CAB39L: variants seen among roughly 807,000 people sequenced by gnomAD.
CAB39L encodes calcium binding protein 39 like, also known as calcium-binding protein 39-like.
In CAB39L, 23 loss-of-function variants were observed where a neutral mutation model predicts 39.1. The ratio of observed to expected loss-of-function variants is 0.59; its 90% confidence interval spans 0.42 to 0.83. CAB39L has a LOEUF of 0.83. CAB39L is among the 40% of genes least tolerant of loss of function. CAB39L has a pLI of 0.00. For synonymous variants in CAB39L, 126 were observed against 137.2 expected (o/e 0.92, Z 0.57); for missense variants, 366 against 391.9 (o/e 0.93, Z 0.56).
chr13:49,371,986 A>G (rs1456270750), intron 5 of CAB39L, among the ~76,000 whole-genome samples: 1 of 152,188 alleles, frequency 6.6e-6, no homozygotes, highest in Non-Finnish European at 1.5e-5. Context: ...CTGCTTATTC[A>G]GCCTGAACAG....
chr13:49,413,373 A>T (rs1409078370), intron 3 of CAB39L, among the ~76,000 whole-genome samples: 1 of 152,146 alleles, frequency 6.6e-6, no homozygotes, highest in Non-Finnish European at 1.5e-5. Context: ...TTTCCTGAGG[A>T]TTTGTTAGCA....
chr13:49,330,836 G>T (rs114527715), intron 10 of CAB39L, among the ~76,000 whole-genome samples: 5,061 of 151,810 alleles, frequency 0.033, 272 homozygotes, highest in African/African-American at 0.11. Context: ...AATGCACATT[G>T]TAGCATTACT....
intron 10 of CAB39L, among the ~76,000 whole-genome samples, chr13:49,329,914 C>A (rs961603066): frequency 3.3e-5 from 5 of 152,118 alleles, no homozygotes; most frequent in African/African-American, 1.2e-4. Flanking sequence ...TTCTCACTGT[C>A]TATACTCCCT....
At chr13:49,374,778 C>G (rs1956012492) in intron 5 of CAB39L, among the ~76,000 whole-genome samples, 1 of 152,232 alleles carries the variant, frequency 6.6e-6, no homozygotes, top group Non-Finnish European at 1.5e-5. Flanking sequence ...CTGACGACAT[C>G]TCATCCCTGA....
chr13:49,378,202 A>G (rs1410033631), intron 4 of CAB39L, among the ~76,000 whole-genome samples: 3 of 81,104 alleles, frequency 3.7e-5, no homozygotes, highest in African/African-American at 2.3e-4. Flanking sequence ...CCCGGCAGCC[A>G]CCCCATCTGG....
At chr13:49,393,866 T>C (rs1212040787) in intron 3 of CAB39L, among the ~76,000 whole-genome samples, 2 of 151,422 alleles carry the variant, frequency 1.3e-5, no homozygotes, top group African/African-American at 4.8e-5. Context: ...AAAAGGAAAA[T>C]TAGGAGGAAA....
intron 5 of CAB39L, among the ~76,000 whole-genome samples, chr13:49,366,193 A>G (rs914583308): frequency 6.6e-6 from 1 of 152,048 alleles, no homozygotes; most frequent in East Asian, 1.9e-4. Flanking sequence ...TGAGATGGGG[A>G]TGGTTAATGG....
At position 49,310,792 on chromosome 13, in the gene CAB39L, G is replaced by A; in HGVS notation, c.*22C>T. ...AACTGGACAAATGAGACGACTGACTGTGACAGGGGCCGGGGAGCTCTTCAA... is the reference window on the plus strand; with the variant it reads ...AACTGGACAAATGAGACGACTGACTATGACAGGGGCCGGGGAGCTCTTCAA... On this transcript the variant is annotated 3_prime_UTR_variant, in exon 11 of 11. Transcript: ENST00000409308. The A allele has an allele frequency of 6.2e-7, 1 of 1,609,926 alleles. No homozygotes were observed. Among genetic ancestry groups the A allele is most frequent in the Non-Finnish European group, 8.5e-7 (1 of 1,177,498 alleles).
At chr13:49,429,331 G>A (rs1160317066) in intron 3 of CAB39L, among the ~76,000 whole-genome samples, 2 of 152,074 alleles carry the variant, frequency 1.3e-5, no homozygotes, top group South Asian at 2.1e-4. Flanking sequence ...GACCTCAAGC[G>A]GTCCTCCTGC....
intron 3 of CAB39L, among the ~76,000 whole-genome samples, chr13:49,389,378 G>A (rs1430710689): frequency 6.6e-6 from 1 of 152,128 alleles, no homozygotes; most frequent in African/African-American, 2.4e-5. Context: ...CGGTGGCTCA[G>A]TCCTGTAATC....
At chr13:49,400,343 A>T (rs1956735620) in intron 3 of CAB39L, among the ~76,000 whole-genome samples, 1 of 151,564 alleles carries the variant, frequency 6.6e-6, no homozygotes, top group South Asian at 2.1e-4. Flanking sequence ...ATTGGCATAC[A>T]CTCTCCTATT....
Position 49,382,924 on chromosome 13 carries a change from T to TTC in CAB39L, c.-16_-15dup, listed in dbSNP as rs777340580. The stretch of plus-strand genomic sequence containing the variant: ...CATTTTTTTCATGTGTAGAAATCTC[T>TTC]TCTTCCAATATGGAATGCTAAAAAC... On this transcript the variant is annotated 5_prime_UTR_variant, in exon 4 of 11. Coordinates refer to ENST00000409308, the MANE Select transcript of CAB39L (RefSeq NM_001079670.3). 1 of 1,460,512 alleles carries TTC rather than the reference T, an allele frequency of 6.8e-7. No homozygotes were observed. Among genetic ancestry groups the TTC allele is most frequent in the South Asian group, 1.2e-5 (1 of 85,220 alleles). 90.5% of individuals were successfully genotyped at this position (1,460,512 alleles called of 1,614,324 possible). A position where few individuals can be genotyped will look rare whatever the true frequency, so the allele number is the denominator to read the frequency against.
intron 8 of CAB39L, among the ~76,000 whole-genome samples, chr13:49,342,404 T>C (rs1566076472): frequency 1.3e-5 from 2 of 152,302 alleles, no homozygotes; most frequent in African/African-American, 4.8e-5. Flanking sequence ...AAATATCATA[T>C]ACACATGAAA....
chr13:49,403,190 C>T (rs1452620839), intron 3 of CAB39L, among the ~76,000 whole-genome samples: 1 of 151,986 alleles, frequency 6.6e-6, no homozygotes, highest in African/African-American at 2.4e-5. Flanking sequence ...TTTCCAACAG[C>T]AAGAGTGCAG....
At chr13:49,421,058 G>A (rs1449685082) in intron 3 of CAB39L, among the ~76,000 whole-genome samples, 1 of 152,126 alleles carries the variant, frequency 6.6e-6, no homozygotes, top group African/African-American at 2.4e-5. Flanking sequence ...ACGACAAACT[G>A]GCTAGGGACC....
chr13:49,402,883 G>C (rs1245299631), intron 3 of CAB39L, among the ~76,000 whole-genome samples: 4 of 151,984 alleles, frequency 2.6e-5, no homozygotes, highest in African/African-American at 9.7e-5. Flanking sequence ...ATAATTTTTA[G>C]AGTTTTATTT....
chr13:49,340,491 G>C (rs1954977691), intron 8 of CAB39L, among the ~76,000 whole-genome samples: 1 of 152,214 alleles, frequency 6.6e-6, no homozygotes, highest in African/African-American at 2.4e-5. Flanking sequence ...GAGAGTGTGT[G>C]CCGCTGTGTA....
At chr13:49,313,627 G>A (rs1483957588) in intron 10 of CAB39L, among the ~76,000 whole-genome samples, 1 of 152,176 alleles carries the variant, frequency 6.6e-6, no homozygotes, top group Non-Finnish European at 1.5e-5. Flanking sequence ...ACCACGATCT[G>A]ATACTGACTG....
chr13:49,341,504 T>C (rs563319605), intron 8 of CAB39L, among the ~76,000 whole-genome samples: 1 of 152,256 alleles, frequency 6.6e-6, no homozygotes, highest in Non-Finnish European at 1.5e-5. Flanking sequence ...ACCCGCCTCT[T>C]TCAGTCTATA....
Sources: gnomAD v4.1 joint callset for allele counts (sites outside exome capture counted in the v4.1 genomes callset) on GRCh38, gnomAD v4.1.1 for gene constraint, MANE v1.5 for transcripts, NCBI Gene and HGNC (gene_info 2026-07-23, HGNC 2026-07-21) for gene names.